Variants in ACOXL observed in about 807,000 individuals in gnomAD.
ACOXL encodes the protein acyl-coenzyme A oxidase-like protein.
Under a neutral mutation model 71.9 loss-of-function variants are expected in ACOXL, and 70 were observed. The ratio of observed to expected loss-of-function variants is 0.97; its 90% CI spans 0.80 to 1.19. ACOXL has a LOEUF of 1.19. Ranked by LOEUF, ACOXL falls within the 50% of genes most tolerant of loss-of-function variation. The probability of loss-of-function intolerance (pLI) is 0.00; values close to 1 mark genes in which losing one functional copy is unlikely to be tolerated. For synonymous variants in ACOXL, 253 were observed against 281.6 expected, an observed-to-expected ratio of 0.90 and a Z score of 1.02; for missense variants, 703 against 736.3, an observed-to-expected ratio of 0.95 and a Z score of 0.52.
chr2:110,740,101 T>A (rs1677331888), intron 1 of ACOXL, among the ~76,000 whole-genome samples: 1 of 152,242 alleles, frequency 6.6e-6, no homozygotes, highest in Non-Finnish European at 1.5e-5. Context: ...CAGGTCATGT[T>A]CAGTTTGTGT....
intron 14 of ACOXL, among the ~76,000 whole-genome samples, chr2:111,020,640 TG>T (rs2064708034): frequency 1.3e-5 from 2 of 152,210 alleles, no homozygotes; most frequent in South Asian, 4.1e-4. Context: ...GACCCTCCCC[TG>T]CACCAAACAC....
At chr2:110,968,350 G>C in intron 12 of ACOXL, 5 of 1,146,576 alleles carry the variant, frequency 4.4e-6, no homozygotes, top group Non-Finnish European at 6.5e-6. Flanking sequence ...AGGCTCATCT[G>C]TCTCTCATAG....
chr2:110,749,617 A>AAT (rs1678666117), intron 1 of ACOXL, among the ~76,000 whole-genome samples: 1 of 152,188 alleles, frequency 6.6e-6, no homozygotes, highest in African/African-American at 2.4e-5. Context: ...CATCCCAGCT[A>AAT]ATCTGGAGGC....
intron 5 of ACOXL, 97 bp from the exon 6 acceptor site, chr2:110,798,513 C>G (rs1209193322): frequency 1.0e-6 from 1 of 980,408 alleles, no homozygotes; most frequent in African/African-American, 1.6e-5. Context: ...ACCTCGGCCC[C>G]CCAAAGTGCT....
At chr2:110,966,436 G>C (rs979246779) in intron 12 of ACOXL, among the ~76,000 whole-genome samples, 3 of 152,180 alleles carry the variant, frequency 2.0e-5, no homozygotes, top group African/African-American at 7.2e-5. Context: ...TCACTACTCT[G>C]TGTTCTCCCC....
intron 15 of ACOXL, among the ~76,000 whole-genome samples, chr2:111,032,546 C>T (rs1490027097): frequency 6.6e-6 from 1 of 152,146 alleles, no homozygotes; most frequent in African/African-American, 2.4e-5. Context: ...ATGTCCTGAT[C>T]TATGGGAAGA....
chr2:110,995,910 T>C lies in ACOXL; in HGVS notation c.1187T>C (p.Met396Thr), dbSNP rs1038547433. The C allele has an allele frequency of 6.8e-6, 11 of 1,613,950 alleles. No homozygotes were observed. Among genetic ancestry groups the C allele is most frequent in the East Asian group, 6.7e-5 (3 of 44,894 alleles). ...TCTTTCAGTTTCCTGGCATTTAACA[T>C]GGACACAGTTGATGATCTCGCCTTT... is the stretch of plus-strand genomic sequence containing the variant. ...KLRTSFLAFN[M>T]DTVDDLAFLL... Residue 396 changes from methionine (M) to threonine (T), a missense_variant, in exon 14 of 18, where the codon ATG (methionine) becomes ACG (threonine). By Grantham distance (81) the Met-to-Thr change is moderately conservative. Transcript: ENST00000439055.
At chr2:111,004,677 T>C (rs2063790263) in intron 14 of ACOXL, among the ~76,000 whole-genome samples, 4 of 152,108 alleles carry the variant, frequency 2.6e-5, no homozygotes, top group African/African-American at 7.2e-5. Flanking sequence ...CAATAAACAA[T>C]GGCTTGTCAT....
At chr2:110,918,219 C>T (rs1227555188) in intron 11 of ACOXL, among the ~76,000 whole-genome samples, 3 of 152,100 alleles carry the variant, frequency 2.0e-5, no homozygotes, top group Non-Finnish European at 4.4e-5. Context: ...ATATATAGAC[C>T]AGTGGAACAG....
rs574879273 is a variant in ACOXL, at chr2:111,075,048, T to C, written c.1441-17817T>C. On this transcript the variant is annotated intron_variant, in intron 16 of 17. Coordinates refer to ENST00000439055, the MANE Select transcript of ACOXL (RefSeq NM_001142807.4). The stretch of plus-strand genomic sequence containing the variant: ...TGAGAAATCTTGGTCTGTAGGTTTT[T>C]TTCTTCCTGTACGATCTTTGCCTAG... Among the ~76,000 whole-genome samples, 18 of 152,322 alleles carry C rather than the reference T, an allele frequency of 1.2e-4. No individual in the cohort carries two copies. The South Asian group carries it at 3.7e-3, about 32-fold the overall frequency.
chr2:110,901,640 C>T (rs1047904698), intron 10 of ACOXL, among the ~76,000 whole-genome samples: 7 of 98,972 alleles, frequency 7.1e-5, no homozygotes, highest in East Asian at 2.8e-4. Flanking sequence ...TATATCTCTA[C>T]GCCACACACA....
At chr2:110,988,856 A>AG in intron 13 of ACOXL, among the ~76,000 whole-genome samples, 1 of 46,854 alleles carries the variant, frequency 2.1e-5, no homozygotes, top group East Asian at 8.7e-4. Context: ...GCCTATTTTT[A>AG]TTGTGTGTGT....
chr2:110,772,845 CA>C (rs943990142), intron 2 of ACOXL, among the ~76,000 whole-genome samples: 1 of 152,126 alleles, frequency 6.6e-6, no homozygotes, highest in African/African-American at 2.4e-5. Context: ...AAACTTCAAC[CA>C]AAACAACATA....
chr2:110,921,628 C>T (rs1182032988), intron 11 of ACOXL, among the ~76,000 whole-genome samples: 1 of 151,958 alleles, frequency 6.6e-6, no homozygotes, highest in African/African-American at 2.4e-5. Context: ...CTCCTGACCT[C>T]GTGATCTGCC....
chr2:111,008,937 AG>A (rs979759442), intron 14 of ACOXL, among the ~76,000 whole-genome samples: 1 of 152,062 alleles, frequency 6.6e-6, no homozygotes, highest in Non-Finnish European at 1.5e-5. Flanking sequence ...ATTTTTCCAT[AG>A]GGTTTTGGTA....
At chr2:110,948,791 G>A (rs1222588181) in intron 12 of ACOXL, among the ~76,000 whole-genome samples, 2 of 149,856 alleles carry the variant, frequency 1.3e-5, no homozygotes, top group African/African-American at 2.5e-5. Flanking sequence ...CTCGAAGCTC[G>A]TCTGGAACAG....
intron 16 of ACOXL, among the ~76,000 whole-genome samples, chr2:111,076,149 C>G (rs1010115980): frequency 6.6e-6 from 1 of 152,070 alleles, no homozygotes; most frequent in Admixed American, 6.6e-5. Flanking sequence ...AGCATTCTGT[C>G]TATCGACTGA....
At chr2:111,019,078 G>A (rs1472172722) in intron 14 of ACOXL, among the ~76,000 whole-genome samples, 1 of 152,196 alleles carries the variant, frequency 6.6e-6, no homozygotes, top group Non-Finnish European at 1.5e-5. Flanking sequence ...TCAGCTTTAA[G>A]CAGTCACTAA....
At chr2:110,834,711 G>C (rs182573712) in intron 9 of ACOXL, among the ~76,000 whole-genome samples, 1 of 152,332 alleles carries the variant, frequency 6.6e-6, no homozygotes, top group Admixed American at 6.5e-5. Flanking sequence ...CCTGGTTTGA[G>C]TTCCCTCTCT....
Sources: allele counts gnomAD v4.1 joint callset (sites outside exome capture counted in the v4.1 genomes callset), GRCh38; gene constraint gnomAD v4.1.1; transcripts MANE v1.5; gene names NCBI Gene and HGNC (gene_info 2026-07-23, HGNC 2026-07-21).